STRIP2: variants seen among roughly 807,000 people sequenced by gnomAD.
STRIP2 encodes the protein striatin-interacting protein 2.
Under a neutral mutation model 107.1 loss-of-function variants are expected in STRIP2, and 84 were observed. That is an observed-to-expected ratio of 0.78 (90% CI 0.66 to 0.94). The LOEUF (loss-of-function observed/expected upper bound fraction) is 0.94, where lower values mean the gene tolerates loss of function less well. Ranked by LOEUF, STRIP2 falls within the 40% of genes least tolerant of loss-of-function variation. STRIP2 has a pLI of 0.00. For missense variants in STRIP2, 888 were observed against 1,034.2 expected, an observed-to-expected ratio of 0.86 and a Z score of 1.94; for synonymous variants, 394 against 400.4, an observed-to-expected ratio of 0.98 and a Z score of 0.19.
intron 9 of STRIP2, among the ~76,000 whole-genome samples, chr7:129,456,954 C>T (rs1170046788): frequency 2.6e-5 from 4 of 152,104 alleles, no homozygotes; most frequent in Non-Finnish European, 4.4e-5. Flanking sequence ...AGGGTATAAT[C>T]CTGGGGATAG....
At chr7:129,450,343 C>T (rs1319049472) in intron 3 of STRIP2, among the ~76,000 whole-genome samples, 1 of 152,132 alleles carries the variant, frequency 6.6e-6, no homozygotes, top group Non-Finnish European at 1.5e-5. Flanking sequence ...TTAGGGGATA[C>T]AGGGTTCTCT....
At chr7:129,450,687 A>G (rs691325) in intron 3 of STRIP2, among the ~76,000 whole-genome samples, 93,449 of 152,014 alleles carry the variant, frequency 0.61, 29,329 homozygotes, top group East Asian at 0.95. Flanking sequence ...GGCTCAAACA[A>G]TCCTCCTGCC....
intron 17 of STRIP2, among the ~76,000 whole-genome samples, chr7:129,468,164 T>C (rs959218639): frequency 3.3e-5 from 5 of 152,200 alleles, no homozygotes; most frequent in African/African-American, 1.2e-4. Flanking sequence ...CTTAATATTC[T>C]ACTTTCACAA....
At chr7:129,462,865 CCAGCTTAGTGCTCTTTT>C in intron 13 of STRIP2, 84 bp from the exon 14 acceptor site, 1 of 861,062 alleles carries the variant, frequency 1.2e-6, no homozygotes, top group Non-Finnish European at 1.9e-6. Flanking sequence ...GATCTGACTC[CCAGCTTAGTGCTCTTTT>C]CAGGTCACCC....
At chr7:129,451,494 C>A in intron 3 of STRIP2, 119 bp from the exon 4 acceptor site, 1 of 1,337,564 alleles carries the variant, frequency 7.5e-7, no homozygotes, top group Non-Finnish European at 1.0e-6. Flanking sequence ...ATAAGGAAAG[C>A]TTTTGGAGAA....
chr7:129,473,698 T>A (rs1290211553), intron 18 of STRIP2, among the ~76,000 whole-genome samples: 8 of 151,836 alleles, frequency 5.3e-5, no homozygotes, highest in Non-Finnish European at 1.0e-4. Flanking sequence ...TCTTTAAATT[T>A]TTTATTTATT....
intron 16 of STRIP2, among the ~76,000 whole-genome samples, chr7:129,465,846 C>T (rs948459659): frequency 6.6e-5 from 10 of 152,220 alleles, no homozygotes; most frequent in African/African-American, 2.2e-4. Context: ...CCCAGAGGCT[C>T]TACCCCATTT....
At chr7:129,440,154 T>C (rs1797859115) in intron 2 of STRIP2, 63 bp downstream of exon 2, 1 of 1,386,832 alleles carries the variant, frequency 7.2e-7, no homozygotes, top group African/African-American at 1.4e-5. Context: ...AAGGGGCCTG[T>C]GATCTCCCTG....
intron 15 of STRIP2, 142 bp from the exon 16 acceptor site, chr7:129,464,470 T>A: frequency 1.2e-6 from 1 of 857,998 alleles, no homozygotes; most frequent in Middle Eastern, 3.6e-4. Context: ...GTGGGAACTC[T>A]GGAGGTTTCC....
In STRIP2 at chr7:129,464,134, G is replaced by T; in HGVS notation, c.1642G>T (p.Glu548Ter). 1 of 1,610,704 alleles carries T rather than the reference G, an allele frequency of 6.2e-7. No homozygotes were observed. The highest frequency in any genetic ancestry group is 8.5e-7 in the Non-Finnish European group (1 of 1,179,306). ...TATCCTGGCAGATGTCCTACCTGAG[G>T]AGATGCCGTGAGTGCTTCAACGGGG... ...INILADVLPE[E>*]MPITVLQSMK... Residue 548 changes from glutamate to a stop codon, truncating the protein, a stop_gained, in exon 15 of 21, where the codon GAG becomes TAG. Coordinates refer to ENST00000249344, the MANE Select transcript of STRIP2 (RefSeq NM_020704.3). LOFTEE classifies it high-confidence loss of function.
In STRIP2 at chr7:129,467,465, C is replaced by G. The variant is rs1562911089; in HGVS notation, c.1877+15C>G. 6.3e-7 allele frequency: 1 copy of G among 1,594,064 alleles called. No individual in the cohort carries two copies. The highest frequency in any genetic ancestry group is 1.7e-5 in the Admixed American group (1 of 59,730). On this transcript the variant is annotated intron_variant, in intron 17 of 20. Coordinates refer to ENST00000249344, the MANE Select transcript of STRIP2 (RefSeq NM_020704.3). ...GCCAAAAACAGGTATGAACTCTGGACAGGTTTATTTCAAGGGGCTATTTTG... is the reference window on the plus strand; with the variant it reads ...GCCAAAAACAGGTATGAACTCTGGAGAGGTTTATTTCAAGGGGCTATTTTG...
At chr7:129,470,211 G>A (rs1472655249) in intron 17 of STRIP2, among the ~76,000 whole-genome samples, 2 of 152,188 alleles carry the variant, frequency 1.3e-5, no homozygotes, top group South Asian at 2.1e-4. Flanking sequence ...CTTTCAGAAA[G>A]ATCTGGTGAG....
Position 129,486,830 on chromosome 7 carries a change from T to C in STRIP2, c.*1001T>C, listed in dbSNP as rs576810280. On this transcript the variant is annotated 3_prime_UTR_variant, in exon 21 of 21. Coordinates refer to ENST00000249344, the MANE Select transcript of STRIP2 (RefSeq NM_020704.3). ...TTGCTAGCAGTTTCAAAGTGTCATG[T>C]GGAGATTTAGCAATACTGTCTCTAC... is the stretch of plus-strand genomic sequence containing the variant. The C allele has an allele frequency of 4.6e-5, 7 of 152,164 alleles. No homozygotes were observed. Among genetic ancestry groups the C allele is most frequent in the Admixed American group, 2.6e-4 (4 of 15,284 alleles). The allele number at this position is 152,164 out of a possible 1,614,324, so 9.4% of individuals were successfully genotyped here.
At chr7:129,464,227 T>TA in intron 15 of STRIP2, 86 bp downstream of exon 15, 1 of 995,890 alleles carries the variant, frequency 1.0e-6, no homozygotes, top group Non-Finnish European at 1.6e-6. Flanking sequence ...TGTTAACACT[T>TA]ACAGAGATTG....
At chr7:129,462,477 A>G (rs1798566698) in intron 13 of STRIP2, among the ~76,000 whole-genome samples, 2 of 152,192 alleles carry the variant, frequency 1.3e-5, no homozygotes, top group Admixed American at 1.3e-4. Flanking sequence ...GTTGTATATG[A>G]GGGAGCTGGT....
chr7:129,475,568 C>T (rs582396), intron 18 of STRIP2, among the ~76,000 whole-genome samples: 3,047 of 96,668 alleles, frequency 0.032, 2 homozygotes, highest in East Asian at 0.054. Flanking sequence ...TTTTTTTTTT[C>T]TTTTTATTTT....
chr7:129,448,098 C>G (rs1798086437), intron 3 of STRIP2, among the ~76,000 whole-genome samples: 1 of 152,172 alleles, frequency 6.6e-6, no homozygotes, highest in Non-Finnish European at 1.5e-5. Context: ...GGGGTTCTGC[C>G]AGCTACTAAG....
chr7:129,460,548 AAAGTT>A (rs1798504527), intron 13 of STRIP2, 176 bp downstream of exon 13: 1 of 619,118 alleles, frequency 1.6e-6, no homozygotes, highest in Admixed American at 2.9e-5. Context: ...TAAAAAATAA[AAAGTT>A]AAGTAAACCA....
chr7:129,458,718 G>A lies in STRIP2; in HGVS notation c.1281G>A (p.Lys427=). ...CTTTCCACCATCCTCTCAGACAGAA[G>A]GACATTGAGCACTTCTTGGAGATGA... is the stretch of plus-strand genomic sequence containing the variant. ...GLPWAPKVRQ[K]DIEHFLEMSR... The change falls in exon 11 of 21, where the codon AAG becomes AAA. Residue 427 remains lysine, a synonymous_variant. Coordinates refer to ENST00000249344, the MANE Select transcript of STRIP2 (RefSeq NM_020704.3). The surrounding 1 kb of genome is among the most constrained non-coding windows in gnomAD (Gnocchi z 4.6). 1 of 1,614,156 alleles carries A rather than the reference G, an allele frequency of 6.2e-7. No individual in the cohort carries two copies. Among genetic ancestry groups the A allele is most frequent in the Non-Finnish European group, 8.5e-7 (1 of 1,180,014 alleles).
Sources: gnomAD v4.1 joint callset for allele counts (sites outside exome capture counted in the v4.1 genomes callset) on GRCh38, gnomAD v4.1.1 for gene constraint, Gnocchi (gnomAD v3.1) non-coding constraint, MANE v1.5 for transcripts, NCBI Gene and HGNC (gene_info 2026-07-23, HGNC 2026-07-21) for gene names.